ARHGEF9: variants seen among roughly 807,000 people sequenced by gnomAD.
ARHGEF9 encodes the protein rho guanine nucleotide exchange factor 9.
In ARHGEF9, 2 loss-of-function variants were observed where a neutral mutation model predicts 41.3. That is an observed-to-expected ratio of 0.05 (90% confidence interval 0.02 to 0.15). The LOEUF (loss-of-function observed/expected upper bound fraction) is 0.15. Ranked by LOEUF, ARHGEF9 falls within the 10% of genes least tolerant of loss-of-function variation. The pLI, the probability that ARHGEF9 is intolerant of heterozygous loss-of-function variation, is 1.00. For missense variants in ARHGEF9, 225 were observed against 424.7 expected, an observed-to-expected ratio of 0.53 and a Z score of 4.13; for synonymous variants, 160 against 154.4, an observed-to-expected ratio of 1.04 and a Z score of -0.27.
At chrX:63,749,669 A>G (rs1556438519) in intron 1 of ARHGEF9, among the ~76,000 whole-genome samples, 1 of 112,384 alleles carries the variant, frequency 8.9e-6, no homozygotes, top group African/African-American at 3.2e-5. Flanking sequence ...GGGAATTACA[A>G]TCATCTCTAC....
At chrX:63,711,695 G>C (rs1556406993) in intron 2 of ARHGEF9, among the ~76,000 whole-genome samples, 1 of 111,667 alleles carries the variant, frequency 9.0e-6, no homozygotes, top group Non-Finnish European at 1.9e-5. Flanking sequence ...GATTATAAAA[G>C]TCATTAAAGA....
chrX:63,696,440 G>C (rs1218622621), intron 4 of ARHGEF9, among the ~76,000 whole-genome samples: 1 of 111,515 alleles, frequency 9.0e-6, no homozygotes, highest in Non-Finnish European at 1.9e-5. Flanking sequence ...CTTGCCCAAA[G>C]TAACCCAGAC....
chrX:63,760,123 C>T (rs1179305978), intron 1 of ARHGEF9, among the ~76,000 whole-genome samples: 1 of 110,393 alleles, frequency 9.1e-6, no homozygotes, highest in African/African-American at 3.3e-5. Context: ...TTGTCCTTTG[C>T]TTCTCATGTT....
intron 1 of ARHGEF9, among the ~76,000 whole-genome samples, chrX:63,764,034 T>C (rs2056076400): frequency 8.9e-6 from 1 of 111,828 alleles, no homozygotes; most frequent in Non-Finnish European, 1.9e-5. Context: ...ATAGTTCAAC[T>C]TACAGAATGG....
At chrX:63,732,059 A>T (rs183641385) in intron 1 of ARHGEF9, 1 of 111,903 alleles carries the variant, frequency 8.9e-6, no homozygotes, top group African/African-American at 3.3e-5. Context: ...AAAAAATGAG[A>T]ACTTTTTCCT....
At chrX:63,652,831 G>A (rs1162733803) in intron 8 of ARHGEF9, among the ~76,000 whole-genome samples, 3 of 110,785 alleles carry the variant, frequency 2.7e-5, no homozygotes, top group Non-Finnish European at 5.7e-5. Context: ...GGATCATGGG[G>A]GGAATTTCTC....
intron 2 of ARHGEF9, chrX:63,707,360 TAAAA>T (rs781874092): frequency 6.3e-5 from 2 of 31,637 alleles, no homozygotes; most frequent in Non-Finnish European, 6.3e-5. Context: ...AGTGGGAAGC[TAAAA>T]AAAAAAAAAA....
intron 7 of ARHGEF9, 62 bp downstream of exon 7, chrX:63,665,824 G>A: frequency 8.5e-7 from 1 of 1,178,971 alleles, no homozygotes; most frequent in Non-Finnish European, 1.1e-6. Context: ...GGATGATGAA[G>A]AGGAGGGTCC....
At chrX:63,691,575 G>A (rs1468645773) in intron 4 of ARHGEF9, among the ~76,000 whole-genome samples, 1 of 110,916 alleles carries the variant, frequency 9.0e-6, no homozygotes, top group East Asian at 2.8e-4. Context: ...TAGATTAAAT[G>A]CAATTAATTA....
intron 7 of ARHGEF9, among the ~76,000 whole-genome samples, chrX:63,661,657 A>AG (rs1449204543): frequency 9.0e-6 from 1 of 111,688 alleles, no homozygotes; most frequent in African/African-American, 3.3e-5. Context: ...AAATTAAAGA[A>AG]GGGGTCACAT....
At chrX:63,679,672 A>T (rs2050491205) in intron 4 of ARHGEF9, among the ~76,000 whole-genome samples, 1 of 111,758 alleles carries the variant, frequency 8.9e-6, no homozygotes, top group African/African-American at 3.3e-5. Flanking sequence ...AGACATCAGC[A>T]AACTAGAAAT....
At chrX:63,745,517 G>GGA (rs782091612) in intron 1 of ARHGEF9, among the ~76,000 whole-genome samples, 1 of 111,393 alleles carries the variant, frequency 9.0e-6, no homozygotes, top group Admixed American at 9.5e-5. Context: ...TCCAGCCAAG[G>GGA]GAGCATAGAG....
At chrX:63,655,885 AGTAGTCT>A (rs1409681121) in intron 7 of ARHGEF9, 148 bp from the exon 8 acceptor site, 41 of 682,895 alleles carry the variant, frequency 6.0e-5, no homozygotes, top group Non-Finnish European at 8.4e-5. Context: ...AGGTTATACT[AGTAGTCT>A]GACACTGACA....
In ARHGEF9 at chrX:63,706,406, T is replaced by C; in HGVS notation, c.254A>G (p.Asp85Gly). The C allele has an allele frequency of 1.1e-5, 13 of 1,207,480 alleles. No individual in the cohort carries two copies. The highest frequency in any genetic ancestry group is 1.3e-5 in the Non-Finnish European group (12 of 893,738). The change falls in exon 3 of 10, where the codon GAT becomes GGT. Residue 85 changes from aspartate to glycine, a missense_variant. By Grantham distance (94) the Asp-to-Gly change is moderately conservative (BLOSUM62 -1). Coordinates refer to ENST00000671741, the MANE Select transcript of ARHGEF9 (RefSeq NM_001353921.2). ...QEDEVEEGPS[D>G]VQNGHLDPNS... is the part of the protein sequence containing the mutation. ...GGGGTCCAGGTGTCCGTTCTGCACA[T>C]CGCTGGGCCCCTCCTCCACCTCATC...
chrX:63,736,584 G>T (rs1281400934), intron 1 of ARHGEF9, among the ~76,000 whole-genome samples: 1 of 111,707 alleles, frequency 9.0e-6, no homozygotes, highest in Non-Finnish European at 1.9e-5. Flanking sequence ...GCTTCCTAAG[G>T]CATCAAGTTA....
intron 4 of ARHGEF9, among the ~76,000 whole-genome samples, chrX:63,690,900 T>C (rs1265541709): frequency 2.7e-5 from 3 of 112,022 alleles, no homozygotes; most frequent in Non-Finnish European, 5.6e-5. Context: ...ATCACTTCAA[T>C]AGATGCTGAA....
intron 1 of ARHGEF9, chrX:63,726,605 G>C (rs1394259745): frequency 9.0e-6 from 1 of 111,516 alleles, no homozygotes; most frequent in Non-Finnish European, 1.9e-5. Flanking sequence ...CTCCCAAAGT[G>C]CTAGGATTAC....
chrX:63,655,584 G>A lies in ARHGEF9; in HGVS notation c.1231C>T (p.Leu411=). 1 of 1,211,406 alleles carries A rather than the reference G, an allele frequency of 8.3e-7. No individual in the cohort carries two copies. The highest frequency in any genetic ancestry group is 1.1e-6 in the Non-Finnish European group (1 of 895,304). ...LHNKETEEIH[L]FFAKKLEEKI... is the part of the protein sequence containing the mutation. The stretch of plus-strand genomic sequence containing the variant: ...TCCTCCAGCTTCTTGGCAAAGAACA[G>A]ATGTATCTCCTCAGTCTCCTTGTTG... The change falls in exon 8 of 10, where the codon CTG becomes TTG. Residue 411 remains leucine, a synonymous_variant. Coordinates refer to ENST00000671741, the MANE Select transcript of ARHGEF9 (RefSeq NM_001353921.2).
rs188477363 is a variant in ARHGEF9 at position 63,769,407 on chromosome X, G to A, written c.30+15709C>T. ...TTTATAATAAAAGCAAAGCATAAAA[G>A]TTTGAAAAATTTGCAGCCTAACAAT... On this transcript the variant is annotated intron_variant, in intron 1 of 9. Transcript: ENST00000671741. Among the ~76,000 whole-genome samples the A allele has an allele frequency of 6.3e-5, 7 of 110,653 alleles. No individual in the cohort carries two copies. The East Asian group carries it at 2.0e-3, about 31-fold the overall frequency.
Sources: allele counts gnomAD v4.1 joint callset (sites outside exome capture counted in the v4.1 genomes callset), GRCh38; gene constraint gnomAD v4.1.1; transcripts MANE v1.5; gene names NCBI Gene and HGNC (gene_info 2026-07-23, HGNC 2026-07-21).